Variants in GYS2 observed in about 807,000 individuals in gnomAD.
GYS2 encodes glycogen [starch] synthase, liver.
In GYS2, 80 loss-of-function variants were observed where a neutral mutation model predicts 85.6. That is an observed-to-expected ratio of 0.93 (90% CI 0.78 to 1.13). The LOEUF (loss-of-function observed/expected upper bound fraction) is 1.13, where lower values mean the gene tolerates loss of function less well. Ranked by LOEUF, GYS2 falls within the 50% of genes most tolerant of loss-of-function variation. GYS2 has a pLI of 0.00. For synonymous variants in GYS2, 328 were observed against 300.7 expected (o/e 1.09, Z -0.94); for missense variants, 881 against 854.9 (o/e 1.03, Z -0.38).
chr12:21,550,443 G>A lies in GYS2; in HGVS notation c.1423-3973C>T, dbSNP rs186639093. Among the ~76,000 whole-genome samples, 8 of 151,998 alleles carry A rather than the reference G, an allele frequency of 5.3e-5. No homozygotes were observed. The East Asian group carries it at 7.7e-4, about 15-fold the overall frequency. ...TCTCCATACACTCCCTCACATGCAC[G>A]GATGCCCTCCTCTCTCCATTCTGGC... On this transcript the variant is annotated intron_variant, in intron 11 of 15. Transcript: ENST00000261195.
chr12:21,555,355 T>A (rs1944166017), intron 11 of GYS2, among the ~76,000 whole-genome samples: 1 of 152,198 alleles, frequency 6.6e-6, no homozygotes, highest in Non-Finnish European at 1.5e-5. Context: ...TTCACTTTGA[T>A]GGATACATTC....
At chr12:21,563,480 T>C in intron 5 of GYS2, 135 bp from the exon 6 acceptor site, 1 of 614,778 alleles carries the variant, frequency 1.6e-6, no homozygotes, top group Non-Finnish European at 2.9e-6. Flanking sequence ...AAATTTAAAA[T>C]TTATAAAACT....
intron 15 of GYS2, 42 bp from the exon 16 acceptor site, chr12:21,537,217 C>A (rs1275049479): frequency 2.8e-6 from 4 of 1,431,316 alleles, no homozygotes; most frequent in Non-Finnish European, 3.9e-6. Flanking sequence ...ACAACAGTTT[C>A]TTGGCTTTCA....
At chr12:21,553,613 A>G (rs1944138926) in intron 11 of GYS2, among the ~76,000 whole-genome samples, 2 of 152,202 alleles carry the variant, frequency 1.3e-5, no homozygotes, top group African/African-American at 2.4e-5. Flanking sequence ...TCCATATTCA[A>G]TTGCTCATAG....
chr12:21,551,796 G>T (rs556084562), intron 11 of GYS2, among the ~76,000 whole-genome samples: 21 of 152,270 alleles, frequency 1.4e-4, no homozygotes, highest in South Asian at 4.1e-4. Flanking sequence ...AAAAGACACA[G>T]ATACTGTATC....
chr12:21,602,063 T>C (rs1182725876), intron 1 of GYS2, among the ~76,000 whole-genome samples: 3 of 152,078 alleles, frequency 2.0e-5, no homozygotes, highest in Admixed American at 2.0e-4. Context: ...TGTGAATACA[T>C]TTCCTTGTTT....
intron 13 of GYS2, among the ~76,000 whole-genome samples, 178 bp downstream of exon 13, chr12:21,542,317 TG>T (rs752429914): frequency 2.6e-5 from 4 of 152,182 alleles, no homozygotes; most frequent in Non-Finnish European, 4.4e-5. Flanking sequence ...CCCAAAGTGC[TG>T]GGATTACAGG....
downstream of GYS2, chr12:21,535,260 A>G (rs1013454902): frequency 1.6e-3 from 3 of 1,890 alleles, no homozygotes; most frequent in African/African-American, 1.8e-3. Context: ...GCAACCAGTT[A>G]CCAATCGAGT....
At chr12:21,562,860 C>T in intron 7 of GYS2, 58 bp downstream of exon 7, 1 of 1,596,624 alleles carries the variant, frequency 6.3e-7, no homozygotes, top group Non-Finnish European at 8.6e-7. Context: ...TTCTTCACTT[C>T]CCACAGAAGA....
rs902875601 is a variant in GYS2 at position 21,591,966 on chromosome 12, A to T, written c.122-11443T>A. ...ATTTGAAGGAATTCACTATCACTAG[A>T]CTGGCTTTACAAGAAATATTTAAGG... is the stretch of plus-strand genomic sequence containing the variant. On this transcript the variant is annotated intron_variant, in intron 1 of 15. Coordinates refer to ENST00000261195, the MANE Select transcript of GYS2 (RefSeq NM_021957.4). 2.0e-5 allele frequency among the ~76,000 whole-genome samples: 3 copies of T among 152,158 alleles called. No individual in the cohort carries two copies. In the East Asian group the frequency reaches 5.8e-4, roughly 29 times the overall value.
chr12:21,604,151 A>AT, intron 1 of GYS2, among the ~76,000 whole-genome samples: 1 of 152,262 alleles, frequency 6.6e-6, no homozygotes, highest in South Asian at 2.1e-4. Context: ...GCTGAGAAAA[A>AT]TTTTAAAACA....
In GYS2 at chr12:21,604,542, C is replaced by T; in HGVS notation, c.51G>A (p.Gln17=). 1.2e-6 allele frequency: 2 copies of T among 1,612,484 alleles called. No homozygotes were observed. The highest frequency in any genetic ancestry group is 1.7e-6 in the Non-Finnish European group (2 of 1,178,698). ...LSVTSLGGLP[Q]WEVEELPVEE... ...CCACAGGAAGTTCTTCGACTTCCCA[C>T]TGGGGAAGCCCACCCAGGGATGTTA... The change falls in exon 1 of 16, where the codon CAG becomes CAA. Residue 17 remains glutamine, a synonymous_variant. Coordinates refer to ENST00000261195, the MANE Select transcript of GYS2 (RefSeq NM_021957.4).
chr12:21,594,888 T>G (rs1455071718), intron 1 of GYS2, among the ~76,000 whole-genome samples: 1 of 152,134 alleles, frequency 6.6e-6, no homozygotes, highest in Non-Finnish European at 1.5e-5. Context: ...ATACTGACAT[T>G]AGAACAGACA....
chr12:21,580,255 G>A, intron 2 of GYS2, 87 bp downstream of exon 2: 1 of 1,171,718 alleles, frequency 8.5e-7, no homozygotes, highest in Non-Finnish European at 1.3e-6. Flanking sequence ...GTAAGTGAAT[G>A]GTCTTCTCTT....
At chr12:21,585,641 G>T (rs1253716899) in intron 1 of GYS2, among the ~76,000 whole-genome samples, 1 of 151,962 alleles carries the variant, frequency 6.6e-6, no homozygotes, top group African/African-American at 2.4e-5. Flanking sequence ...GCAGAAGAAG[G>T]TAGTCATCAA....
chr12:21,536,195 T>C lies in GYS2; in HGVS notation c.*759A>G, dbSNP rs1943908683. The C allele has an allele frequency of 6.6e-6, 1 of 152,234 alleles. No individual in the cohort carries two copies. Among genetic ancestry groups the C allele is most frequent in the Non-Finnish European group, 1.5e-5 (1 of 68,046 alleles). 9.4% of individuals were successfully genotyped at this position (152,234 alleles called of 1,614,324 possible). ...AAGGCATTACCAGTGAAAGTTAAGT[T>C]ATTAAATATTAATGTGTTTATTTAC... is the stretch of plus-strand genomic sequence containing the variant. On this transcript the variant is annotated 3_prime_UTR_variant, in exon 16 of 16. Transcript: ENST00000261195.
chr12:21,539,474 G>A (rs1347519238), intron 14 of GYS2, 136 bp from the exon 15 acceptor site: 1 of 699,404 alleles, frequency 1.4e-6, no homozygotes, highest in East Asian at 2.5e-5. Flanking sequence ...TGCAGTCTAA[G>A]TTTGAGACTC....
In GYS2 at chr12:21,537,356, A is replaced by G. The variant is rs541196009; in HGVS notation, c.1891-181T>C. Reference sequence around the variant, plus strand: ...CAATCTCAAGAGGGATTCATTCAATATATAGCTATTCTTTATTAAGTACTG... The same window carrying G: ...CAATCTCAAGAGGGATTCATTCAATGTATAGCTATTCTTTATTAAGTACTG... On this transcript the variant is annotated intron_variant, in intron 15 of 15. Transcript: ENST00000261195. The G allele has an allele frequency of 1.0e-4, 63 of 629,466 alleles. 1 individual carries two copies. In the South Asian group the frequency reaches 1.1e-3, roughly 11 times the overall value. 39.0% of individuals were successfully genotyped at this position (629,466 alleles called of 1,614,324 possible).
chr12:21,550,351 A>ACACACC (rs762663961), intron 11 of GYS2, among the ~76,000 whole-genome samples: 1 of 103,082 alleles, frequency 9.7e-6, no homozygotes, highest in African/African-American at 3.4e-5. Context: ...ACACACACAC[A>ACACACC]CCCCTGGTTT....
Sources: gnomAD v4.1 joint callset for allele counts (sites outside exome capture counted in the v4.1 genomes callset) on GRCh38, gnomAD v4.1.1 for gene constraint, MANE v1.5 for transcripts, NCBI Gene and HGNC (gene_info 2026-07-23, HGNC 2026-07-21) for gene names.